SLC24A2: variants seen among roughly 807,000 people sequenced by gnomAD.
The protein encoded by SLC24A2 is sodium/potassium/calcium exchanger 2.
SLC24A2 carries 36 observed loss-of-function variants against 62.0 expected under a neutral mutation model. The ratio of observed to expected loss-of-function variants is 0.58; its 90% CI spans 0.44 to 0.77. The LOEUF (loss-of-function observed/expected upper bound fraction) is 0.77, where lower values mean the gene tolerates loss of function less well. SLC24A2 is among the 30% of genes least tolerant of loss of function. The pLI is 0.00. For missense variants in SLC24A2, 846 were observed against 817.9 expected (o/e 1.03, Z -0.42); for synonymous variants, 358 against 294.0 (o/e 1.22, Z -2.23).
At chr9:20,114,765 T>G in the SLC24A2 span, among the ~76,000 whole-genome samples, 1 of 152,162 alleles carries the variant, frequency 6.6e-6, no homozygotes, top group Non-Finnish European at 1.5e-5. Flanking sequence ...CAGTCACTAT[T>G]TGAGGAACCA....
chr9:20,177,262 CA>C, the SLC24A2 span, among the ~76,000 whole-genome samples: 1 of 152,016 alleles, frequency 6.6e-6, no homozygotes, highest in African/African-American at 2.4e-5. Flanking sequence ...AAGGCCTTAC[CA>C]GGCCAGATTT....
upstream of SLC24A2, among the ~76,000 whole-genome samples, chr9:19,790,037 A>G (rs1823292302): frequency 6.6e-6 from 1 of 151,994 alleles, no homozygotes; most frequent in South Asian, 2.1e-4. Flanking sequence ...AAGCCTAGGG[A>G]ACTTAGAAAT....
At chr9:19,679,554 G>A (rs918546422) in intron 2 of SLC24A2, among the ~76,000 whole-genome samples, 4 of 152,144 alleles carry the variant, frequency 2.6e-5, no homozygotes, top group Non-Finnish European at 1.5e-5. Flanking sequence ...AGTAGACTGA[G>A]TAAAGATCAC....
chr9:19,706,861 C>A (rs1221694667), intron 2 of SLC24A2, among the ~76,000 whole-genome samples: 1 of 151,836 alleles, frequency 6.6e-6, no homozygotes. Flanking sequence ...AAAGCAAGAG[C>A]AAACACATTC....
At chr9:19,656,849 C>T (rs941409183) in intron 2 of SLC24A2, among the ~76,000 whole-genome samples, 9 of 152,196 alleles carry the variant, frequency 5.9e-5, no homozygotes, top group Non-Finnish European at 1.2e-4. Flanking sequence ...CCGCATCCAC[C>T]GTTACCTCTC....
chr9:20,046,781 CT>C, the SLC24A2 span, among the ~76,000 whole-genome samples: 1 of 152,202 alleles, frequency 6.6e-6, no homozygotes, highest in Non-Finnish European at 1.5e-5. Flanking sequence ...CCCAGAGAAT[CT>C]CATTAGCTAT....
chr9:19,799,133 G>A, the SLC24A2 span, among the ~76,000 whole-genome samples: 121,611 of 152,032 alleles, frequency 0.8, 50,112 homozygotes, highest in Non-Finnish European at 0.91. Context: ...GTTTCTATTT[G>A]TTTTCTTATA....
chr9:20,070,277 A>T, the SLC24A2 span, among the ~76,000 whole-genome samples: 1 of 152,196 alleles, frequency 6.6e-6, no homozygotes, highest in Non-Finnish European at 1.5e-5. Context: ...TGCCTTAAAC[A>T]GGACTCTAAA....
the SLC24A2 span, among the ~76,000 whole-genome samples, chr9:20,052,927 A>G: frequency 4.6e-5 from 7 of 152,322 alleles, no homozygotes; most frequent in East Asian, 1.3e-3. Context: ...GCCCTATGTT[A>G]AACTGAATTT....
chr9:19,808,738 T>TC, the SLC24A2 span, among the ~76,000 whole-genome samples: 1 of 152,190 alleles, frequency 6.6e-6, no homozygotes, highest in East Asian at 1.9e-4. The surrounding 1 kb of genome is among the most constrained non-coding windows in gnomAD (Gnocchi z 4.1). Flanking sequence ...CCAGTTCCAT[T>TC]CCCTGCTTAA....
chr9:19,563,071 A>T (rs1043511169), intron 7 of SLC24A2, among the ~76,000 whole-genome samples: 2 of 152,110 alleles, frequency 1.3e-5, no homozygotes, highest in African/African-American at 4.8e-5. Flanking sequence ...GCACCACTGT[A>T]CTCCAGCCTG....
the SLC24A2 span, among the ~76,000 whole-genome samples, chr9:19,904,698 C>T: frequency 1.3e-5 from 2 of 152,182 alleles, no homozygotes; most frequent in Non-Finnish European, 2.9e-5. Flanking sequence ...TATGGTTTCT[C>T]ATTTGCTGTT....
At chr9:19,758,777 A>C (rs1234880156) in intron 2 of SLC24A2, among the ~76,000 whole-genome samples, 1 of 152,212 alleles carries the variant, frequency 6.6e-6, no homozygotes, top group Admixed American at 6.5e-5. Flanking sequence ...TGCTATATTC[A>C]GTAAGAAAGA....
At chr9:20,296,026 G>A in the SLC24A2 span, among the ~76,000 whole-genome samples, 221 of 152,294 alleles carry the variant, frequency 1.5e-3, 1 homozygote, top group African/African-American at 5.0e-3. Flanking sequence ...TAATGGAAGA[G>A]ATCTGTGAAA....
At chr9:19,832,503 T>C in the SLC24A2 span, among the ~76,000 whole-genome samples, 2 of 152,196 alleles carry the variant, frequency 1.3e-5, no homozygotes, top group African/African-American at 4.8e-5. Flanking sequence ...CGATTCCCTA[T>C]TTAATAAATA....
chr9:19,619,495 G>T, intron 4 of SLC24A2, 89 bp downstream of exon 4: 2 of 1,046,618 alleles, frequency 1.9e-6, no homozygotes, highest in Non-Finnish European at 1.5e-6. Context: ...AGGCGTGCAT[G>T]ACGACAGCAC....
chr9:19,871,992 T>C, the SLC24A2 span, among the ~76,000 whole-genome samples: 12 of 152,104 alleles, frequency 7.9e-5, no homozygotes, highest in African/African-American at 2.4e-4. Flanking sequence ...CATAGTCCTG[T>C]GGTTGTTATA....
At chr9:19,709,387 C>T (rs1229928368) in intron 2 of SLC24A2, among the ~76,000 whole-genome samples, 1 of 152,146 alleles carries the variant, frequency 6.6e-6, no homozygotes, top group East Asian at 1.9e-4. Context: ...CCATTTGACC[C>T]AGCCATCCCA....
chr9:19,840,457 C>G, the SLC24A2 span, among the ~76,000 whole-genome samples: 12 of 152,276 alleles, frequency 7.9e-5, no homozygotes, highest in Admixed American at 6.5e-5. Context: ...CCCTATTCAG[C>G]TATACAGGAG....
Sources: gnomAD v4.1 joint callset for allele counts (sites outside exome capture counted in the v4.1 genomes callset) on GRCh38, gnomAD v4.1.1 for gene constraint, Gnocchi (gnomAD v3.1) non-coding constraint, MANE v1.5 for transcripts, NCBI Gene and HGNC (gene_info 2026-07-23, HGNC 2026-07-21) for gene names.